IL17RA: variants seen among roughly 807,000 people sequenced by gnomAD.
IL17RA encodes the protein interleukin 17 receptor A.
In IL17RA, 34 loss-of-function variants were observed where a neutral mutation model predicts 50.4. The ratio of observed to expected loss-of-function variants is 0.67; its 90% CI spans 0.51 to 0.90. IL17RA has a LOEUF of 0.90. Among genes scored for constraint, IL17RA ranks in the 40% least tolerant of loss-of-function variants. The pLI is 0.00. For missense variants in IL17RA, 1,276 were observed against 1,169.8 expected (o/e 1.09, Z -1.32); for synonymous variants, 585 against 510.4 (o/e 1.15, Z -1.97).
At chr22:17,100,277 G>T in intron 4 of IL17RA, 78 bp from the exon 5 acceptor site, 1 of 1,567,494 alleles carries the variant, frequency 6.4e-7, no homozygotes, top group South Asian at 1.1e-5. Context: ...GAGTGGGTGG[G>T]AACGGGGGTC....
chr22:17,108,134 G>T (rs1310491747), intron 12 of IL17RA, among the ~76,000 whole-genome samples, 173 bp from the exon 13 acceptor site: 1 of 152,212 alleles, frequency 6.6e-6, no homozygotes, highest in African/African-American at 2.4e-5. Context: ...TTTTCAGGCA[G>T]CCAAAGGTGG....
chr22:17,096,958 G>C, intron 1 of IL17RA, 104 bp from the exon 2 acceptor site: 1 of 1,006,806 alleles, frequency 9.9e-7, no homozygotes, highest in Non-Finnish European at 1.6e-6. Context: ...AGGGCAGGCT[G>C]TGTAGATGGC....
Position 17,109,709 on chromosome 22 carries a change from C to T in IL17RA, c.2490C>T (p.Pro830=), listed in dbSNP as rs3804060. 6.0e-3 allele frequency: 9,553 copies of T among 1,589,426 alleles called. 257 individuals are homozygous for T. In the East Asian group the frequency reaches 0.082, roughly 14 times the overall value. The change falls in exon 13 of 13, where the codon CCC becomes CCT. Residue 830 remains proline (P), a synonymous_variant. Transcript: ENST00000319363. ...DPGKPALPLS[P]EDLESLRSLQ... Reference sequence around the variant, plus strand: ...GGAAGCCGGCCCTGCCACTCTCTCCCGAGGACCTGGAGAGCCTGAGGAGCC... The same window carrying T: ...GGAAGCCGGCCCTGCCACTCTCTCCTGAGGACCTGGAGAGCCTGAGGAGCC...
intron 7 of IL17RA, among the ~76,000 whole-genome samples, chr22:17,102,792 G>A (rs945265962): frequency 2.0e-5 from 3 of 152,028 alleles, no homozygotes; most frequent in Admixed American, 6.6e-5. Context: ...GGGACAGAGC[G>A]AGACCCTGTC....
chr22:17,088,834 C>T (rs2061337876), intron 1 of IL17RA, among the ~76,000 whole-genome samples: 1 of 150,770 alleles, frequency 6.6e-6, no homozygotes, highest in Non-Finnish European at 1.5e-5. Flanking sequence ...CTCACTCTGT[C>T]ATCCAGATTG....
chr22:17,095,850 G>A (rs532540769), intron 1 of IL17RA, among the ~76,000 whole-genome samples: 6 of 152,234 alleles, frequency 3.9e-5, no homozygotes, highest in African/African-American at 1.4e-4. Context: ...GAGAAGGAGG[G>A]TCCAGGTGAA....
Position 17,108,791 on chromosome 22 carries a change from G to T in IL17RA, c.1572G>T (p.Pro524=), listed in dbSNP as rs1283786087. The T allele has an allele frequency of 1.9e-6, 3 of 1,607,872 alleles. No homozygotes were observed. Among genetic ancestry groups the T allele is most frequent in the Non-Finnish European group, 2.5e-6 (3 of 1,177,330 alleles). The change falls in exon 13 of 13, where the codon CCG becomes CCT. Residue 524 remains proline (P), a synonymous_variant. Coordinates refer to ENST00000319363, the MANE Select transcript of IL17RA (RefSeq NM_014339.7). ...TGTTCGGCGCGGCGCCGCGGTACCC[G>T]CTCATGGACAGGTTCGAGGAGGTGT... ...PDLFGAAPRY[P]LMDRFEEVYF...
intron 1 of IL17RA, 174 bp downstream of exon 1, chr22:17,085,403 C>A (rs2061323324): frequency 1.2e-6 from 1 of 863,184 alleles, no homozygotes; most frequent in Non-Finnish European, 1.4e-6. Flanking sequence ...CTGGGGAGGA[C>A]CCTCGGAGCG....
Position 17,109,021 on chromosome 22 carries a change from T to C in IL17RA, c.1802T>C (p.Leu601Pro), listed in dbSNP as rs760766877. The C allele has an allele frequency of 2.5e-6, 4 of 1,597,508 alleles. No individual in the cohort carries two copies. Among genetic ancestry groups the C allele is most frequent in the Admixed American group, 3.4e-5 (2 of 59,580 alleles). ...GCAGATGACCAGGATGCCCCGTCCC[T>C]GGACGAAGAGGTGTTTGAGGAGCCA... ...YSADDQDAPSLDEEVFEEPLL... is the reference protein window; with the variant it reads ...YSADDQDAPSPDEEVFEEPLL... Residue 601 changes from leucine to proline, a missense_variant, in exon 13 of 13, where the codon CTG becomes CCG. Leu to Pro is a moderately conservative substitution (Grantham distance 98). Coordinates refer to ENST00000319363, the MANE Select transcript of IL17RA (RefSeq NM_014339.7).
intron 1 of IL17RA, among the ~76,000 whole-genome samples, chr22:17,088,789 A>G (rs1427832820): frequency 6.8e-6 from 1 of 147,636 alleles, no homozygotes; most frequent in Non-Finnish European, 1.5e-5. Context: ...CACCTGGCCA[A>G]TTTTTTTATT....
Position 17,105,900 on chromosome 22 carries a change from C to T in IL17RA, c.991C>T (p.Leu331=). The change falls in exon 11 of 13, where the codon CTG becomes TTG. Residue 331 remains leucine, a synonymous_variant. Transcript: ENST00000319363. Reference sequence around the variant, plus strand: ...CTGGTTCATCACGGGCATCTCCATCCTGCTGGTGGGCTCCGTCATCCTGCT... The same window carrying T: ...CTGGTTCATCACGGGCATCTCCATCTTGCTGGTGGGCTCCGTCATCCTGCT... ...VYWFITGISI[L]LVGSVILLIV... 6.2e-7 allele frequency: 1 copy of T among 1,614,208 alleles called. No individual in the cohort carries two copies. The highest frequency in any genetic ancestry group is 1.3e-5 in the African/African-American group (1 of 75,068).
chr22:17,088,613 G>C (rs2061337018), intron 1 of IL17RA, among the ~76,000 whole-genome samples: 1 of 152,114 alleles, frequency 6.6e-6, no homozygotes, highest in Non-Finnish European at 1.5e-5. Flanking sequence ...AGCCTCCCAA[G>C]TAGCTGGGAC....
intron 4 of IL17RA, among the ~76,000 whole-genome samples, chr22:17,100,097 C>A (rs957175816): frequency 4.2e-5 from 6 of 142,484 alleles, no homozygotes; most frequent in African/African-American, 1.0e-4. Context: ...TCCCCAAATT[C>A]TTTTGCCTTA....
At chr22:17,102,391 C>T (rs747627070) in intron 7 of IL17RA, 89 bp downstream of exon 7, 291 of 1,461,112 alleles carry the variant, frequency 2.0e-4, no homozygotes, top group Non-Finnish European at 2.4e-4. Context: ...GACAGAACCG[C>T]GTTGCTAGAA....
At position 17,085,034 on chromosome 22, in the gene IL17RA, A is replaced by G. The variant is rs1375379894; in HGVS notation, c.-58A>G. 7.7e-7 allele frequency: 1 copy of G among 1,297,052 alleles called. No individual in the cohort carries two copies. Among genetic ancestry groups the G allele is most frequent in the Admixed American group, 4.2e-5 (1 of 23,840 alleles). 80.3% of individuals were successfully genotyped at this position (1,297,052 alleles called of 1,614,324 possible). ...TCCACCGCGGAAAAGAAAGCCTCAG[A>G]ACGTTCGTTCGCTGCGTCCCCAGCC... On this transcript the variant is annotated 5_prime_UTR_variant, in exon 1 of 13. Coordinates refer to ENST00000319363, the MANE Select transcript of IL17RA (RefSeq NM_014339.7).
chr22:17,111,292 G>A lies in IL17RA; in HGVS notation c.*1472G>A, dbSNP rs1357905845. On this transcript the variant is annotated 3_prime_UTR_variant, in exon 13 of 13. Transcript: ENST00000319363. The stretch of plus-strand genomic sequence containing the variant: ...GGCAGGAAGGTGAGTCTGAAGCCCT[G>A]CACCCGCGTTCCGACTATCAGTGGG... 6.6e-6 allele frequency: 1 copy of A among 152,234 alleles called. No individual in the cohort carries two copies. The highest frequency in any genetic ancestry group is 1.5e-5 in the Non-Finnish European group (1 of 68,068). 9.4% of individuals were successfully genotyped at this position (152,234 alleles called of 1,614,324 possible).
intron 1 of IL17RA, among the ~76,000 whole-genome samples, chr22:17,095,811 G>A (rs1206835909): frequency 2.6e-5 from 4 of 152,196 alleles, no homozygotes; most frequent in African/African-American, 9.7e-5. Context: ...GCTGAACAGG[G>A]CGAGAAGCAC....
chr22:17,097,318 A>G lies in IL17RA; in HGVS notation c.163+232A>G, dbSNP rs1033513280. On this transcript the variant is annotated intron_variant, in intron 2 of 12. Transcript: ENST00000319363. ...AAACAGAACTGTCATTTGGATTGTG[A>G]AAGTATTCTCTGGGGAGCTGCCCTA... 6.7e-6 allele frequency: 4 copies of G among 595,224 alleles called. No individual in the cohort carries two copies. In the African/African-American group the frequency reaches 7.4e-5, roughly 11 times the overall value. The allele number at this position is 595,224 out of a possible 1,614,324, so 36.9% of individuals were successfully genotyped here.
chr22:17,099,227 G>A (rs953313158), intron 4 of IL17RA, among the ~76,000 whole-genome samples: 37 of 152,138 alleles, frequency 2.4e-4, no homozygotes, highest in African/African-American at 8.9e-4. Flanking sequence ...GTAACTTTGT[G>A]TAACATCTTT....
Sources: gnomAD v4.1 joint callset for allele counts (sites outside exome capture counted in the v4.1 genomes callset) on GRCh38, gnomAD v4.1.1 for gene constraint, MANE v1.5 for transcripts, NCBI Gene and HGNC (gene_info 2026-07-23, HGNC 2026-07-21) for gene names.